QTRT2: variants seen among roughly 807,000 people sequenced by gnomAD.
QTRT2 encodes queuine tRNA-ribosyltransferase accessory subunit 2.
QTRT2 carries 32 observed loss-of-function variants against 44.8 expected under a neutral mutation model. The ratio of observed to expected loss-of-function variants is 0.71; its 90% CI spans 0.54 to 0.96. QTRT2 has a LOEUF of 0.96. QTRT2 is among the 40% of genes least tolerant of loss of function. QTRT2 has a pLI of 0.00. For synonymous variants in QTRT2, 182 were observed against 187.4 expected (o/e 0.97, Z 0.24); for missense variants, 461 against 503.1 (o/e 0.92, Z 0.80).
chr3:114,071,761 G>A (rs1278315726), intron 6 of QTRT2, among the ~76,000 whole-genome samples: 4 of 152,026 alleles, frequency 2.6e-5, no homozygotes, highest in Non-Finnish European at 5.9e-5. Flanking sequence ...AATTACCTTT[G>A]AATTCTTCTC....
chr3:114,068,222 G>C, intron 5 of QTRT2, 159 bp downstream of exon 5: 1 of 606,258 alleles, frequency 1.6e-6, no homozygotes, highest in Admixed American at 2.6e-5. Flanking sequence ...ATAAGACTTA[G>C]AGTAGGGCTG....
Position 114,086,316 on chromosome 3 carries a change from A to G in QTRT2, c.*412A>G, listed in dbSNP as rs533495430. 9 of 199,558 alleles carry G rather than the reference A, an allele frequency of 4.5e-5. No homozygotes were observed. In the South Asian group the frequency reaches 7.2e-4, roughly 16 times the overall value. The allele number at this position is 199,558 out of a possible 1,614,324, so 12.4% of individuals were successfully genotyped here. On this transcript the variant is annotated 3_prime_UTR_variant, in exon 10 of 10. Transcript: ENST00000281273. ...TGGACATATGCCTGTTGATTTGAGA[A>G]GAAATCTGGCTGGTTTGAGGGTTTC... is the stretch of plus-strand genomic sequence containing the variant.
chr3:114,066,952 G>T (rs918530355), intron 4 of QTRT2, among the ~76,000 whole-genome samples: 4 of 152,190 alleles, frequency 2.6e-5, no homozygotes, highest in Non-Finnish European at 5.9e-5. Context: ...ATATGCAGAT[G>T]TATGCATCTA....
rs770048327 is a variant in QTRT2 at position 114,080,076 on chromosome 3, A to G, written c.898+19A>G. On this transcript the variant is annotated intron_variant, in intron 8 of 9. Coordinates refer to ENST00000281273, the MANE Select transcript of QTRT2 (RefSeq NM_024638.4). ...GAGACACGTAAGTCTTTTGAAGTTT[A>G]TCTCTTATCCTTAAGTTTCTTCCAT... 11 of 1,565,996 alleles carry G rather than the reference A, an allele frequency of 7.0e-6. No homozygotes were observed. The African/African-American group carries it at 1.5e-4, about 22-fold the overall frequency.
In QTRT2 at chr3:114,056,834, A is replaced by G. The variant is rs1397087639; in HGVS notation, c.-160A>G. 6.5e-7 allele frequency: 1 copy of G among 1,535,568 alleles called. No individual in the cohort carries two copies. Among genetic ancestry groups the G allele is most frequent in the Non-Finnish European group, 8.7e-7 (1 of 1,146,726 alleles). Reference sequence around the variant, plus strand: ...ACTGTGAGGAGTTTGAGGGGTCTGAAGACTGAAAGAGTCGAATGGTTTGTT... The same window carrying G: ...ACTGTGAGGAGTTTGAGGGGTCTGAGGACTGAAAGAGTCGAATGGTTTGTT... On this transcript the variant is annotated 5_prime_UTR_variant, in exon 1 of 10. Coordinates refer to ENST00000281273, the MANE Select transcript of QTRT2 (RefSeq NM_024638.4).
At chr3:114,077,690 A>G (rs1274981098) in intron 7 of QTRT2, 1 of 150,752 alleles carries the variant, frequency 6.6e-6, no homozygotes. Context: ...TGGATAGTAT[A>G]TAATATGTGT....
In QTRT2 at chr3:114,056,772, A is replaced by T. The variant is rs1048513559; in HGVS notation, c.-222A>T. ...GATTGGCTCTGCACTGGAGGCAGTGATTTTGGGGCAGAGAATTTTGCAACA... is the reference window on the plus strand; with the variant it reads ...GATTGGCTCTGCACTGGAGGCAGTGTTTTTGGGGCAGAGAATTTTGCAACA... On this transcript the variant is annotated 5_prime_UTR_variant, in exon 1 of 10. Coordinates refer to ENST00000281273, the MANE Select transcript of QTRT2 (RefSeq NM_024638.4). 5 of 1,501,754 alleles carry T rather than the reference A, an allele frequency of 3.3e-6. No homozygotes were observed. The highest frequency in any genetic ancestry group is 4.5e-6 in the Non-Finnish European group (5 of 1,122,672). 93.0% of individuals were successfully genotyped at this position (1,501,754 alleles called of 1,614,324 possible).
At chr3:114,078,367 T>A (rs1262986290) in intron 7 of QTRT2, 1 of 152,126 alleles carries the variant, frequency 6.6e-6, no homozygotes, top group Admixed American at 6.6e-5. Context: ...AAACATTACA[T>A]CACTTGAAGG....
chr3:114,077,225 T>A lies in QTRT2; in HGVS notation c.746+283T>A, dbSNP rs776418363. ...CAAGTATTATACTGTTTCCCCTCAT[T>A]CTTGTGCCAATTACAAATATTGTTG... is the stretch of plus-strand genomic sequence containing the variant. On this transcript the variant is annotated intron_variant, in intron 7 of 9. Transcript: ENST00000281273. The A allele has an allele frequency of 1.4e-5, 5 of 350,092 alleles. No individual in the cohort carries two copies. The South Asian group carries it at 2.1e-4, about 15-fold the overall frequency. The allele number at this position is 350,092 out of a possible 1,614,324, so 21.7% of individuals were successfully genotyped here.
chr3:114,064,291 G>T (rs146253323), intron 2 of QTRT2, among the ~76,000 whole-genome samples: 6 of 152,104 alleles, frequency 3.9e-5, no homozygotes, highest in African/African-American at 1.2e-4. Context: ...AATAAAACTG[G>T]GCCTGGCCCA....
chr3:114,074,176 A>G (rs946239744), intron 6 of QTRT2, among the ~76,000 whole-genome samples: 2 of 152,196 alleles, frequency 1.3e-5, no homozygotes, highest in Non-Finnish European at 2.9e-5. Flanking sequence ...TGTATCACAC[A>G]TAGCCTTATC....
At position 114,086,252 on chromosome 3, in the gene QTRT2, T is replaced by C. The variant is rs1043933770; in HGVS notation, c.*348T>C. The C allele has an allele frequency of 1.7e-5, 5 of 297,562 alleles. No homozygotes were observed. In the Admixed American group the frequency reaches 1.8e-4, roughly 11 times the overall value. 18.4% of individuals were successfully genotyped at this position (297,562 alleles called of 1,614,324 possible). The stretch of plus-strand genomic sequence containing the variant: ...GATTCTGAGGGACCCATGAATTGGA[T>C]TGAGGCTTGAGGGGAAATGGTGTGA... On this transcript the variant is annotated 3_prime_UTR_variant, in exon 10 of 10. Coordinates refer to ENST00000281273, the MANE Select transcript of QTRT2 (RefSeq NM_024638.4).
At position 114,068,448 on chromosome 3, in the gene QTRT2, A is replaced by G. The variant is rs1033353247; in HGVS notation, c.333+385A>G. 1.4e-4 allele frequency: 30 copies of G among 218,422 alleles called. 1 individual carries two copies. The allele number at this position is 218,422 out of a possible 1,614,324, so 13.5% of individuals were successfully genotyped here. ...GATGAGTATTATCACATGTATAACT[A>G]TATATAGTAGAATCTCAATATAATA... On this transcript the variant is annotated intron_variant, in intron 5 of 9. Transcript: ENST00000281273.
chr3:114,077,065 G>A (rs2077101321), intron 7 of QTRT2, 123 bp downstream of exon 7: 1 of 943,018 alleles, frequency 1.1e-6, no homozygotes, highest in Non-Finnish European at 1.6e-6. Context: ...TGTCCTTTCT[G>A]GGCTGAGTCT....
rs2077145099 is a variant in QTRT2, at chr3:114,079,964, G to C, written c.805G>C (p.Asp269His). Residue 269 changes from aspartate (D) to histidine (H), a missense_variant, in exon 8 of 10, where the codon GAC (aspartate) becomes CAC (histidine). Physicochemically the swap from Asp to His is moderately conservative, Grantham distance 81. Coordinates refer to ENST00000281273, the MANE Select transcript of QTRT2 (RefSeq NM_024638.4). ...GCTCGAGTGTATTGAAAGAGGAGTG[G>C]ACTTATTTGAGAGTTTTTTCCCTTA... ...EVLECIERGV[D>H]LFESFFPYQV... 1 of 1,613,746 alleles carries C rather than the reference G, an allele frequency of 6.2e-7. No homozygotes were observed. The highest frequency in any genetic ancestry group is 1.3e-5 in the African/African-American group (1 of 74,924).
In QTRT2 at chr3:114,066,932, A is replaced by C. The variant is rs138970226; in HGVS notation, c.256+649A>C. Among the ~76,000 whole-genome samples, 344 of 152,356 alleles carry C rather than the reference A, an allele frequency of 2.3e-3. 1 individual carries two copies. Among genetic ancestry groups the C allele is most frequent in the African/African-American group, 7.9e-3 (329 of 41,580 alleles). On this transcript the variant is annotated intron_variant, in intron 4 of 9. Transcript: ENST00000281273. ...GTTAATATTATCCTTTATTCCAGAA[A>C]TAGGATTTTATATGCAGATGTATGC...
chr3:114,076,264 T>C (rs1265822035), intron 6 of QTRT2, among the ~76,000 whole-genome samples: 2 of 152,220 alleles, frequency 1.3e-5, no homozygotes, highest in Non-Finnish European at 2.9e-5. Context: ...CCTCCCGGGC[T>C]CAAGCCACCC....
At chr3:114,066,960 CTATT>C (rs765618609) in intron 4 of QTRT2, among the ~76,000 whole-genome samples, 1 of 152,196 alleles carries the variant, frequency 6.6e-6, no homozygotes, top group Non-Finnish European at 1.5e-5. Flanking sequence ...ATGTATGCAT[CTATT>C]TATTTATAGG....
intron 2 of QTRT2, 119 bp downstream of exon 2, chr3:114,057,225 A>T (rs995083001): frequency 3.3e-6 from 1 of 300,794 alleles, no homozygotes; most frequent in Admixed American, 5.3e-5. Flanking sequence ...TGGAGCAAAG[A>T]TAAATCCAGG....
Sources: gnomAD v4.1 joint callset for allele counts (sites outside exome capture counted in the v4.1 genomes callset) on GRCh38, gnomAD v4.1.1 for gene constraint, MANE v1.5 for transcripts, NCBI Gene and HGNC (gene_info 2026-07-23, HGNC 2026-07-21) for gene names.